FAP: variants seen among roughly 807,000 people sequenced by gnomAD.
FAP encodes the protein prolyl endopeptidase FAP.
FAP carries 110 observed loss-of-function variants against 126.5 expected under a neutral mutation model. That is an observed-to-expected ratio of 0.87 (90% CI 0.74 to 1.02). FAP has a LOEUF of 1.02. FAP is among the 50% of genes least tolerant of loss of function. FAP has a pLI of 0.00. For synonymous variants in FAP, 334 were observed against 297.3 expected (o/e 1.12, Z -1.27); for missense variants, 919 against 909.2 (o/e 1.01, Z -0.14).
intron 23 of FAP, 53 bp from the exon 24 acceptor site, chr2:162,173,274 A>G: frequency 1.5e-6 from 2 of 1,324,850 alleles, no homozygotes; most frequent in South Asian, 1.2e-5. Context: ...CTAATAGAAA[A>G]CTAGCTAAAT....
chr2:162,184,740 C>A (rs891201912), intron 20 of FAP, among the ~76,000 whole-genome samples: 5 of 151,820 alleles, frequency 3.3e-5, no homozygotes, highest in African/African-American at 4.8e-5. Flanking sequence ...CTTCAAAAAT[C>A]AAATGAAAGA....
intron 2 of FAP, among the ~76,000 whole-genome samples, chr2:162,241,873 A>G (rs1232158898): frequency 2.6e-5 from 4 of 152,152 alleles, no homozygotes; most frequent in Non-Finnish European, 4.4e-5. Flanking sequence ...GGGTTAACCT[A>G]TTCTATTTTG....
At chr2:162,239,243 C>T (rs1690256591) in intron 2 of FAP, among the ~76,000 whole-genome samples, 1 of 151,804 alleles carries the variant, frequency 6.6e-6, no homozygotes, top group African/African-American at 2.4e-5. Flanking sequence ...CGCCATGTTG[C>T]CCAGCCTGGT....
At position 162,198,745 on chromosome 2, in the gene FAP, T is replaced by C. The variant is rs769600419; in HGVS notation, c.1402+12A>G. ...GTGGGGATGCTGTGCTTATGTGAGGTCCGTTACCTACCGTAGCAGACAAGT... is the reference window on the plus strand; with the variant it reads ...GTGGGGATGCTGTGCTTATGTGAGGCCCGTTACCTACCGTAGCAGACAAGT... On this transcript the variant is annotated intron_variant, in intron 16 of 25. Coordinates refer to ENST00000188790, the MANE Select transcript of FAP (RefSeq NM_004460.5). The C allele has an allele frequency of 4.3e-6, 7 of 1,613,890 alleles. No individual in the cohort carries two copies. The highest frequency in any genetic ancestry group is 1.1e-5 in the South Asian group (1 of 91,070).
intron 7 of FAP, 134 bp downstream of exon 7, chr2:162,219,719 T>C: frequency 2.9e-6 from 2 of 688,374 alleles, no homozygotes; most frequent in Non-Finnish European, 5.1e-6. Flanking sequence ...TCAAAACTCT[T>C]CCCGTTTTTA....
chr2:162,204,880 G>T (rs573146882), intron 12 of FAP, among the ~76,000 whole-genome samples: 1 of 152,262 alleles, frequency 6.6e-6, no homozygotes, highest in African/African-American at 2.4e-5. Context: ...TATAATTTGA[G>T]TTCCTATATA....
At chr2:162,195,419 A>T (rs78998339) in intron 16 of FAP, among the ~76,000 whole-genome samples, 2,261 of 151,902 alleles carry the variant, frequency 0.015, 20 homozygotes, top group Non-Finnish European at 0.022. Flanking sequence ...GTTGTCTCCA[A>T]TGGGGCAACA....
Position 162,225,531 on chromosome 2 carries a change from A to G in FAP, c.237T>C (p.Tyr79=). ...TATATGATTGTCCTGTTTCAATATT[A>G]TAAAGTACTATATTGTTATCTGCAG... The part of the protein sequence containing the change: ...HQSADNNIVL[Y]NIETGQSYTI... The change falls in exon 4 of 26, where the codon TAT becomes TAC. Residue 79 remains tyrosine, a synonymous_variant. Transcript: ENST00000188790. 1 of 1,600,638 alleles carries G rather than the reference A, an allele frequency of 6.2e-7. No homozygotes were observed. The highest frequency in any genetic ancestry group is 1.7e-4 in the Middle Eastern group (1 of 5,972).
intron 20 of FAP, chr2:162,183,684 T>G: frequency 2.2e-6 from 1 of 453,430 alleles, no homozygotes; most frequent in South Asian, 2.8e-5. Flanking sequence ...TGTTGTACAG[T>G]TATTGACTGG....
At chr2:162,217,885 A>G in intron 9 of FAP, 101 bp downstream of exon 9, 2 of 836,168 alleles carry the variant, frequency 2.4e-6, no homozygotes, top group Admixed American at 2.7e-5. Flanking sequence ...CTCAAGGATA[A>G]GAAGCTCTCC....
At chr2:162,198,389 C>T in intron 16 of FAP, 1 of 1,264,150 alleles carries the variant, frequency 7.9e-7, no homozygotes, top group Non-Finnish European at 1.0e-6. Context: ...TCTGCGATTG[C>T]TCAGGTCTTG....
chr2:162,217,904 T>G, intron 9 of FAP, 82 bp downstream of exon 9: 1 of 1,106,500 alleles, frequency 9.0e-7, no homozygotes, highest in East Asian at 2.6e-5. Context: ...CCAAACTTGT[T>G]GATCCCACCT....
At chr2:162,206,160 G>A (rs937536274) in intron 12 of FAP, among the ~76,000 whole-genome samples, 1 of 152,162 alleles carries the variant, frequency 6.6e-6, no homozygotes, top group Non-Finnish European at 1.5e-5. Flanking sequence ...GGTAACTTGG[G>A]TGAGGTAAAG....
chr2:162,191,542 A>AGCACCTAGTATCTG lies in FAP; in HGVS notation c.1451-1802_1451-1789dup, dbSNP rs368925596. Among the ~76,000 whole-genome samples the AGCACCTAGTATCTG allele has an allele frequency of 6.1e-3, 921 of 152,224 alleles. 10 individuals are homozygous for AGCACCTAGTATCTG. Among genetic ancestry groups the AGCACCTAGTATCTG allele is most frequent in the African/African-American group, 0.021 (869 of 41,552 alleles). On this transcript the variant is annotated intron_variant, in intron 17 of 25. Coordinates refer to ENST00000188790, the MANE Select transcript of FAP (RefSeq NM_004460.5). The stretch of plus-strand genomic sequence containing the variant: ...CGTATACTCAGTACCAAGCACACAC[A>AGCACCTAGTATCTG]GCACCTAGTATCTGGCATGTAGTAT...
chr2:162,174,781 G>T, intron 22 of FAP, 86 bp downstream of exon 22: 1 of 891,662 alleles, frequency 1.1e-6, no homozygotes, highest in Non-Finnish European at 1.8e-6. Flanking sequence ...GAATTTTACT[G>T]CATAATCCAT....
intron 2 of FAP, among the ~76,000 whole-genome samples, chr2:162,232,041 T>A (rs1689921760): frequency 6.6e-6 from 1 of 152,076 alleles, no homozygotes; most frequent in Non-Finnish European, 1.5e-5. Context: ...TCACACCGGG[T>A]TTTGTTTGTT....
In FAP at chr2:162,226,506, A is replaced by T. The variant is rs377447858; in HGVS notation, c.190+17T>A. ...AAATACATAAAAAAAACCCCTAAAG[A>T]TAAATAATGCACTTACCTGAAATCC... is the stretch of plus-strand genomic sequence containing the variant. On this transcript the variant is annotated intron_variant, in intron 3 of 25. Transcript: ENST00000188790. 2.9e-6 allele frequency: 4 copies of T among 1,360,108 alleles called. No homozygotes were observed. Among genetic ancestry groups the T allele is most frequent in the Non-Finnish European group, 4.1e-6 (4 of 973,320 alleles). The allele number at this position is 1,360,108 out of a possible 1,614,324, so 84.3% of individuals were successfully genotyped here.
At chr2:162,240,922 G>A (rs1166976964) in intron 2 of FAP, among the ~76,000 whole-genome samples, 1 of 152,174 alleles carries the variant, frequency 6.6e-6, no homozygotes, top group Non-Finnish European at 1.5e-5. Context: ...TGATTGACCA[G>A]TGAGATGTGA....
intron 4 of FAP, among the ~76,000 whole-genome samples, chr2:162,224,829 G>A (rs1689569633): frequency 6.6e-6 from 1 of 152,040 alleles, no homozygotes; most frequent in African/African-American, 2.4e-5. Flanking sequence ...ATTCAATATA[G>A]CAATTGCAAA....
Sources: gnomAD v4.1 joint callset for allele counts (sites outside exome capture counted in the v4.1 genomes callset) on GRCh38, gnomAD v4.1.1 for gene constraint, MANE v1.5 for transcripts, NCBI Gene and HGNC (gene_info 2026-07-23, HGNC 2026-07-21) for gene names.